XRCC6: variants seen among roughly 807,000 people sequenced by gnomAD.
The protein encoded by XRCC6 is X-ray repair cross complementing 6.
Under a neutral mutation model 65.7 loss-of-function variants are expected in XRCC6, and 5 were observed. That is an observed-to-expected ratio of 0.08 (90% CI 0.04 to 0.16). The LOEUF (loss-of-function observed/expected upper bound fraction) is 0.16, where lower values mean the gene tolerates loss of function less well. Among genes scored for constraint, XRCC6 ranks in the 10% least tolerant of loss-of-function variants. XRCC6 has a pLI of 1.00. For synonymous variants in XRCC6, 270 were observed against 270.6 expected (o/e 1.00, Z 0.02); for missense variants, 447 against 738.1 (o/e 0.61, Z 4.57).
chr22:41,627,705 T>C (rs899852392), intron 2 of XRCC6, among the ~76,000 whole-genome samples: 1 of 151,512 alleles, frequency 6.6e-6, no homozygotes, highest in Non-Finnish European at 1.5e-5. Flanking sequence ...CAATACCATC[T>C]CTACAGTAAA....
At chr22:41,653,721 G>C in intron 9 of XRCC6, 31 bp downstream of exon 9, 1 of 1,606,012 alleles carries the variant, frequency 6.2e-7, no homozygotes, top group Non-Finnish European at 8.5e-7. Flanking sequence ...CAGGGCTTCT[G>C]AACCTTGCCC....
chr22:41,662,007 A>G (rs903041891), intron 12 of XRCC6, among the ~76,000 whole-genome samples: 3 of 152,348 alleles, frequency 2.0e-5, no homozygotes, highest in African/African-American at 7.2e-5. Context: ...TATTTGTGGA[A>G]TCTAAAAATC....
At chr22:41,652,611 C>G (rs2068011384) in intron 8 of XRCC6, among the ~76,000 whole-genome samples, 1 of 152,118 alleles carries the variant, frequency 6.6e-6, no homozygotes, top group Non-Finnish European at 1.5e-5. Context: ...AGCAATCTAC[C>G]TGTCTTGGCC....
chr22:41,651,452 T>TG (rs929069971), intron 8 of XRCC6, among the ~76,000 whole-genome samples: 21 of 121,108 alleles, frequency 1.7e-4, no homozygotes, highest in African/African-American at 5.9e-4. Context: ...AGTGCAGTGG[T>TG]GCAGTTTCAG....
chr22:41,632,710 C>G (rs994248376), intron 3 of XRCC6, among the ~76,000 whole-genome samples: 2 of 151,872 alleles, frequency 1.3e-5, no homozygotes, highest in Non-Finnish European at 2.9e-5. Flanking sequence ...GTAGTCCCAG[C>G]TACTCAGGAG....
Position 41,649,139 on chromosome 22 carries a change from AATATATAT to A in XRCC6, c.961-1567_961-1560del, listed in dbSNP as rs1555906700. 1.8e-3 allele frequency among the ~76,000 whole-genome samples: 157 copies of A among 88,736 alleles called. 6 individuals carry two copies. In the South Asian group the frequency reaches 0.025, roughly 14 times the overall value. 58.2% of individuals were successfully genotyped at this position (88,736 alleles called of 152,430 possible). A position where few individuals can be genotyped will look rare whatever the true frequency, so the allele number is the denominator to read the frequency against. Reference sequence around the variant, plus strand: ...GGGAAGAGAGTACAAAAAAAAAAAAAATATATATATATATATATATATATGTATGTATG... The same window carrying A: ...GGGAAGAGAGTACAAAAAAAAAAAAAATATATATATATATATGTATGTATG... On this transcript the variant is annotated intron_variant, in intron 7 of 12. Coordinates refer to ENST00000360079, the MANE Select transcript of XRCC6 (RefSeq NM_001469.5).
intron 9 of XRCC6, among the ~76,000 whole-genome samples, chr22:41,654,704 C>T (rs749653555): frequency 2.6e-5 from 4 of 152,060 alleles, no homozygotes; most frequent in East Asian, 1.9e-4. Flanking sequence ...AAAAAAGGGG[C>T]GAGGGTGAAG....
chr22:41,640,321 T>C (rs1179207278), intron 6 of XRCC6, among the ~76,000 whole-genome samples: 1 of 152,028 alleles, frequency 6.6e-6, no homozygotes, highest in Non-Finnish European at 1.5e-5. Context: ...GCTGATTTTT[T>C]TGTATTTTTA....
chr22:41,622,137 C>G, intron 2 of XRCC6, 51 bp downstream of exon 2: 1 of 1,580,342 alleles, frequency 6.3e-7, no homozygotes, highest in Non-Finnish European at 8.7e-7. Context: ...GAAAGACCTT[C>G]CCTGCCTATC....
At chr22:41,658,172 G>A (rs1372171791) in intron 10 of XRCC6, 80 bp from the exon 11 acceptor site, 11 of 1,403,604 alleles carry the variant, frequency 7.8e-6, no homozygotes, top group South Asian at 1.2e-5. Context: ...CGGACCTGTA[G>A]TATCTCAGGT....
Position 41,658,260 on chromosome 22 carries a change from G to A in XRCC6, c.1430G>A (p.Ser477Asn). The A allele has an allele frequency of 6.2e-7, 1 of 1,613,392 alleles. No homozygotes were observed. The highest frequency in any genetic ancestry group is 8.5e-7 in the Non-Finnish European group (1 of 1,179,938). Residue 477 changes from serine to asparagine, a missense_variant, in exon 11 of 13, where the codon AGC becomes AAC. Ser to Asn is a conservative substitution (Grantham distance 46). Transcript: ENST00000360079. ...CATTATTGTTTTAACAGAAGTGACAGCTTTGAGAACCCCGTGCTGCAGCAG... is the reference window on the plus strand; with the variant it reads ...CATTATTGTTTTAACAGAAGTGACAACTTTGAGAACCCCGTGCTGCAGCAG... ...EKLRFTYRSD[S>N]FENPVLQQHF...
intron 7 of XRCC6, among the ~76,000 whole-genome samples, chr22:41,648,901 A>C (rs911174035): frequency 6.6e-6 from 1 of 151,808 alleles, no homozygotes; most frequent in Non-Finnish European, 1.5e-5. Context: ...TCTTTTGTTC[A>C]TAAAACCCAA....
intron 6 of XRCC6, among the ~76,000 whole-genome samples, chr22:41,643,139 C>T (rs1056551178): frequency 2.0e-5 from 3 of 152,198 alleles, no homozygotes; most frequent in Admixed American, 6.5e-5. Context: ...TGGCCGGGTG[C>T]GGTGGCTCAC....
chr22:41,631,586 C>T (rs372466661), intron 3 of XRCC6, among the ~76,000 whole-genome samples: 14 of 120,962 alleles, frequency 1.2e-4, no homozygotes, highest in East Asian at 2.6e-4. Context: ...CGGGCAGAGA[C>T]GCTCCTCACT....
chr22:41,638,968 A>G (rs967459424), intron 6 of XRCC6, among the ~76,000 whole-genome samples: 4 of 152,098 alleles, frequency 2.6e-5, no homozygotes, highest in African/African-American at 9.7e-5. Flanking sequence ...ACACAGCATC[A>G]CTACAGATGC....
intron 9 of XRCC6, among the ~76,000 whole-genome samples, chr22:41,655,783 C>T (rs1251174530): frequency 2.0e-5 from 3 of 151,216 alleles, no homozygotes; most frequent in South Asian, 2.1e-4. Flanking sequence ...AGGCTGGTCT[C>T]GAACTCCTGA....
chr22:41,625,572 T>C (rs1026328291), intron 2 of XRCC6, among the ~76,000 whole-genome samples: 2 of 152,234 alleles, frequency 1.3e-5, no homozygotes, highest in Admixed American at 6.5e-5. Context: ...ATGTTACTTA[T>C]GATAAAGTCA....
In XRCC6 at chr22:41,637,640, C is replaced by G; in HGVS notation, c.622C>G (p.Pro208Ala). Residue 208 changes from proline (P) to alanine (A), a missense_variant, in exon 6 of 13, where the codon CCT becomes GCT. Pro to Ala is a conservative substitution (Grantham distance 27). Coordinates refer to ENST00000360079, the MANE Select transcript of XRCC6 (RefSeq NM_001469.5). ...CCTTGACTTGATGCACCTGAAGAAA[C>G]CTGGGGGCTTTGACATATCCTTGTT... ...IFLDLMHLKK[P>A]GGFDISLFYR... 6.2e-7 allele frequency: 1 copy of G among 1,609,370 alleles called. No homozygotes were observed. Among genetic ancestry groups the G allele is most frequent in the Non-Finnish European group, 8.5e-7 (1 of 1,178,240 alleles).
At chr22:41,632,139 CGTGGGG>C (rs2067761517) in intron 3 of XRCC6, among the ~76,000 whole-genome samples, 1 of 146,798 alleles carries the variant, frequency 6.8e-6, no homozygotes, top group African/African-American at 2.7e-5. Flanking sequence ...AGAGGGAGAC[CGTGGGG>C]AGAGGGAGAC....
Sources: allele counts gnomAD v4.1 joint callset (sites outside exome capture counted in the v4.1 genomes callset), GRCh38; gene constraint gnomAD v4.1.1; transcripts MANE v1.5; gene names NCBI Gene and HGNC (gene_info 2026-07-23, HGNC 2026-07-21).